PPP2R3A: variants seen among roughly 807,000 people sequenced by gnomAD.
The protein encoded by PPP2R3A is protein phosphatase 2 regulatory subunit B''alpha.
Under a neutral mutation model 106.9 loss-of-function variants are expected in PPP2R3A, and 80 were observed. That is an observed-to-expected ratio of 0.75 (90% CI 0.62 to 0.90). The LOEUF is 0.90. Among genes scored for constraint, PPP2R3A ranks in the 40% least tolerant of loss-of-function variants. The pLI is 0.00. For synonymous variants in PPP2R3A, 483 were observed against 468.3 expected (o/e 1.03, Z -0.41); for missense variants, 1,386 against 1,350.4 (o/e 1.03, Z -0.41).
intron 13 of PPP2R3A, chr3:136,106,592 T>G (rs1365495319): frequency 4.7e-6 from 2 of 424,926 alleles, no homozygotes; most frequent in Non-Finnish European, 4.3e-6. Flanking sequence ...TTTAGTGATA[T>G]TGATAAACCC....
chr3:136,091,493 T>C (rs560334181), intron 10 of PPP2R3A, among the ~76,000 whole-genome samples: 28 of 152,144 alleles, frequency 1.8e-4, no homozygotes, highest in Non-Finnish European at 3.7e-4. Flanking sequence ...GATGCACACC[T>C]GTAGTCCTAG....
chr3:136,002,275 G>T lies in PPP2R3A; in HGVS notation c.777G>T (p.Gly259=). The T allele has an allele frequency of 6.2e-7, 1 of 1,613,862 alleles. No individual in the cohort carries two copies. Among genetic ancestry groups the T allele is most frequent in the Non-Finnish European group, 8.5e-7 (1 of 1,179,916 alleles). ...IIKQCIKKKS[G]SSISEGSGND... ...AACAATGCATAAAGAAAAAATCAGG[G>T]AGTAGCATCAGTGAAGGAAGTGGTA... Residue 259 remains glycine, a synonymous_variant, in exon 2 of 14, where the codon GGG becomes GGT. Coordinates refer to ENST00000264977, the MANE Select transcript of PPP2R3A (RefSeq NM_002718.5).
intron 5 of PPP2R3A, among the ~76,000 whole-genome samples, chr3:136,053,003 A>G (rs1293753715): frequency 3.9e-5 from 6 of 152,230 alleles, no homozygotes; most frequent in Admixed American, 2.6e-4. Flanking sequence ...GCTGGAGGCC[A>G]TTATCCTTAG....
chr3:136,048,193 C>A (rs1428152718), intron 4 of PPP2R3A, among the ~76,000 whole-genome samples: 3 of 152,036 alleles, frequency 2.0e-5, no homozygotes, highest in Non-Finnish European at 4.4e-5. Flanking sequence ...ACACAGGAGG[C>A]CAGCAAGAGT....
intron 13 of PPP2R3A, among the ~76,000 whole-genome samples, chr3:136,144,732 G>A (rs1939035667): frequency 6.6e-6 from 1 of 151,934 alleles, no homozygotes; most frequent in South Asian, 2.1e-4. Flanking sequence ...CATACTTCAT[G>A]GACCTCAAAT....
chr3:136,012,855 G>A (rs1370765847), intron 2 of PPP2R3A, among the ~76,000 whole-genome samples: 12 of 152,124 alleles, frequency 7.9e-5, no homozygotes, highest in Admixed American at 7.9e-4. Flanking sequence ...ACATGGATAA[G>A]TTCTTTAGTG....
intron 3 of PPP2R3A, among the ~76,000 whole-genome samples, chr3:136,040,192 A>G (rs1397658801): frequency 6.6e-6 from 1 of 152,244 alleles, no homozygotes; most frequent in Non-Finnish European, 1.5e-5. Context: ...AAGGACATAT[A>G]TTACAACTGT....
At chr3:136,111,293 A>G (rs1011681886) in intron 13 of PPP2R3A, among the ~76,000 whole-genome samples, 12 of 152,208 alleles carry the variant, frequency 7.9e-5, no homozygotes, top group Non-Finnish European at 1.5e-4. Flanking sequence ...AGACATTGAT[A>G]AAGTTGTATT....
chr3:136,088,377 G>A (rs1460993857), intron 9 of PPP2R3A, among the ~76,000 whole-genome samples: 1 of 152,164 alleles, frequency 6.6e-6, no homozygotes, highest in Non-Finnish European at 1.5e-5. Flanking sequence ...GTGTTAATTC[G>A]CTTAGGATGA....
At chr3:136,106,529 A>G (rs1937520067) in intron 13 of PPP2R3A, 1 of 558,950 alleles carries the variant, frequency 1.8e-6, no homozygotes, top group Non-Finnish European at 3.2e-6. Flanking sequence ...ATTTCCTTTA[A>G]TGAGTCTCAT....
chr3:135,966,205 A>G (rs1431650891), intron 1 of PPP2R3A, among the ~76,000 whole-genome samples: 1 of 152,146 alleles, frequency 6.6e-6, no homozygotes, highest in Non-Finnish European at 1.5e-5. Flanking sequence ...TCGCCCGCAC[A>G]GCCCTCGGGA....
At chr3:136,087,181 G>A (rs1017957022) in intron 8 of PPP2R3A, among the ~76,000 whole-genome samples, 1 of 151,302 alleles carries the variant, frequency 6.6e-6, no homozygotes, top group African/African-American at 2.4e-5. Flanking sequence ...TCCAGCCTGG[G>A]CAACAGGAGC....
At chr3:135,969,230 C>A (rs1299658676) in intron 1 of PPP2R3A, among the ~76,000 whole-genome samples, 1 of 152,094 alleles carries the variant, frequency 6.6e-6, no homozygotes, top group Non-Finnish European at 1.5e-5. Context: ...ACAGCTGCCC[C>A]TAATTAAGGT....
intron 1 of PPP2R3A, among the ~76,000 whole-genome samples, chr3:135,998,648 T>C (rs1029832744): frequency 2.0e-5 from 3 of 152,252 alleles, no homozygotes; most frequent in African/African-American, 4.8e-5. Flanking sequence ...TATAAGCAAA[T>C]AACTGGAGAG....
chr3:136,108,913 G>A (rs1937556450), intron 13 of PPP2R3A, among the ~76,000 whole-genome samples: 1 of 152,170 alleles, frequency 6.6e-6, no homozygotes, highest in African/African-American at 2.4e-5. Flanking sequence ...TCAAACATAC[G>A]AGAACTAGAG....
At chr3:136,032,365 C>G (rs150566054) in intron 3 of PPP2R3A, among the ~76,000 whole-genome samples, 2 of 151,908 alleles carry the variant, frequency 1.3e-5, no homozygotes, top group Non-Finnish European at 2.9e-5. Context: ...GCTACTGATT[C>G]GTGTACATTA....
chr3:135,985,705 T>A (rs1255795738), intron 1 of PPP2R3A, among the ~76,000 whole-genome samples: 2 of 152,186 alleles, frequency 1.3e-5, no homozygotes, highest in African/African-American at 2.4e-5. Context: ...TACTCTTAGA[T>A]GTTCTAAAGG....
At chr3:135,978,922 T>C (rs1006174407) in intron 1 of PPP2R3A, among the ~76,000 whole-genome samples, 8 of 151,874 alleles carry the variant, frequency 5.3e-5, no homozygotes, top group African/African-American at 1.9e-4. Context: ...TCCTTAAATA[T>C]TATCAGTATT....
At chr3:136,004,498 G>A (rs528941449) in intron 2 of PPP2R3A, among the ~76,000 whole-genome samples, 2 of 152,134 alleles carry the variant, frequency 1.3e-5, no homozygotes, top group Non-Finnish European at 2.9e-5. Flanking sequence ...TCACAGTCCA[G>A]TGATTCCCAA....
Sources: gnomAD v4.1 joint callset for allele counts (sites outside exome capture counted in the v4.1 genomes callset) on GRCh38, gnomAD v4.1.1 for gene constraint, MANE v1.5 for transcripts, NCBI Gene and HGNC (gene_info 2026-07-23, HGNC 2026-07-21) for gene names.